Variants in GRHL2 observed in about 807,000 individuals in gnomAD.
GRHL2 encodes the protein grainyhead-like protein 2 homolog.
GRHL2 carries 21 observed loss-of-function variants against 83.8 expected under a neutral mutation model. The ratio of observed to expected loss-of-function variants is 0.25; its 90% confidence interval spans 0.18 to 0.36. The LOEUF is 0.36. Among genes scored for constraint, GRHL2 ranks in the 10% least tolerant of loss-of-function variants. The pLI, the probability that GRHL2 is intolerant of heterozygous loss-of-function variation, is 1.00. For synonymous variants in GRHL2, 280 were observed against 278.9 expected (o/e 1.00, Z -0.04); for missense variants, 623 against 781.8 (o/e 0.80, Z 2.42).
Position 101,492,789 on chromosome 8 carries a change from A to C in GRHL2, c.20A>C (p.Asn7Thr). The C allele has an allele frequency of 4.3e-6, 7 of 1,614,022 alleles. No individual in the cohort carries two copies. Among genetic ancestry groups the C allele is most frequent in the Non-Finnish European group, 5.9e-6 (7 of 1,179,858 alleles). MSQESD[N>T]NKRLVALVPM... The stretch of plus-strand genomic sequence containing the variant: ...TCAAACATGTCACAAGAGTCGGACA[A>C]GTAAGTGGATCACACGCGCCGGCTG... Residue 7 changes from asparagine to threonine, a missense_variant and splice_region_variant, in exon 1 of 16, where the codon AAT (asparagine) becomes ACT (threonine). Physicochemically the swap from Asn to Thr is moderately conservative, Grantham distance 65. This residue lies in a region of GRHL2 where 39 missense variants were observed against 34.8 expected (regional missense o/e 1.12). Coordinates refer to ENST00000646743, the MANE Select transcript of GRHL2 (RefSeq NM_024915.4).
At chr8:101,675,796 C>A in the GRHL2 span, among the ~76,000 whole-genome samples, 1 of 152,210 alleles carries the variant, frequency 6.6e-6, no homozygotes, top group African/African-American at 2.4e-5. Flanking sequence ...ATCACGCTAC[C>A]TGACTTCAAA....
intron 13 of GRHL2, among the ~76,000 whole-genome samples, chr8:101,648,018 A>G (rs1264039145): frequency 1.3e-5 from 2 of 151,906 alleles, no homozygotes; most frequent in Non-Finnish European, 2.9e-5. Context: ...TGCCTTGTGC[A>G]TTTTCCCTAG....
chr8:101,571,514 A>C (rs1811824487), intron 5 of GRHL2, among the ~76,000 whole-genome samples: 1 of 150,208 alleles, frequency 6.7e-6, no homozygotes, highest in East Asian at 1.9e-4. Flanking sequence ...AAAGAGTGAG[A>C]GAGTGGCAAG....
At chr8:101,630,879 T>TC (rs1414015695) in intron 9 of GRHL2, among the ~76,000 whole-genome samples, 4 of 152,070 alleles carry the variant, frequency 2.6e-5, no homozygotes, top group Admixed American at 6.6e-5. Context: ...AGAGAAAAGA[T>TC]AGGGCATCAT....
Position 101,613,930 on chromosome 8 carries a change from A to C in GRHL2, c.1099-5609A>C, listed in dbSNP as rs1333440096. 1.3e-5 allele frequency among the ~76,000 whole-genome samples: 2 copies of C among 151,050 alleles called. 1 individual carries two copies. The highest frequency in any genetic ancestry group is 4.9e-5 in the African/African-American group (2 of 40,436). ...GAAACATCTTAAAAGTGCAAAATAC[A>C]GTTGCTTAAAGAGGAAAATAAATAC... On this transcript the variant is annotated intron_variant, in intron 8 of 15. Coordinates refer to ENST00000646743, the MANE Select transcript of GRHL2 (RefSeq NM_024915.4).
chr8:101,615,916 A>G lies in GRHL2; in HGVS notation c.1099-3623A>G, dbSNP rs1040005684. Reference sequence around the variant, plus strand: ...AATTCTCTGCCATTAGGGCTTCTCCAGGGACAGCAGACAGCATTTTCTGTC... The same window carrying G: ...AATTCTCTGCCATTAGGGCTTCTCCGGGGACAGCAGACAGCATTTTCTGTC... On this transcript the variant is annotated intron_variant, in intron 8 of 15. Coordinates refer to ENST00000646743, the MANE Select transcript of GRHL2 (RefSeq NM_024915.4). Among the ~76,000 whole-genome samples, 48 of 152,212 alleles carry G rather than the reference A, an allele frequency of 3.2e-4. 1 individual carries two copies. Among genetic ancestry groups the G allele is most frequent in the Non-Finnish European group, 4.6e-4 (31 of 68,028 alleles).
In GRHL2 at chr8:101,645,869, A is replaced by G. The variant is rs547944839; in HGVS notation, c.1612+1644A>G. Among the ~76,000 whole-genome samples the G allele has an allele frequency of 3.3e-5, 5 of 152,316 alleles. No homozygotes were observed. The South Asian group carries it at 1.0e-3, about 32-fold the overall frequency. ...TAGAAACATTTAAAGGTTTACAAAA[A>G]TTTCTTTAAAAAAAATTTTTTTTTG... is the stretch of plus-strand genomic sequence containing the variant. On this transcript the variant is annotated intron_variant, in intron 13 of 15. Coordinates refer to ENST00000646743, the MANE Select transcript of GRHL2 (RefSeq NM_024915.4).
At chr8:101,652,532 GGTGTGTGTGTGTGTGGTGTGTA>G (rs1813682323) in intron 14 of GRHL2, among the ~76,000 whole-genome samples, 1 of 79,706 alleles carries the variant, frequency 1.3e-5, no homozygotes, top group African/African-American at 6.9e-5. Flanking sequence ...GTGTGTGTGT[GGTGTGTGTGTGTGTGGTGTGTA>G]TGTGTGGTGG....
chr8:101,511,891 T>C (rs1474215444), intron 1 of GRHL2, among the ~76,000 whole-genome samples: 2 of 152,216 alleles, frequency 1.3e-5, no homozygotes, highest in Non-Finnish European at 2.9e-5. Flanking sequence ...ATAATTGTTT[T>C]TCTAGATGGC....
chr8:101,642,293 G>T (rs1184024089), intron 12 of GRHL2, among the ~76,000 whole-genome samples: 1 of 152,240 alleles, frequency 6.6e-6, no homozygotes, highest in Non-Finnish European at 1.5e-5. Flanking sequence ...GTTTATCCAA[G>T]ATGTTATTTT....
At chr8:101,570,828 G>A (rs549875324) in intron 5 of GRHL2, among the ~76,000 whole-genome samples, 5 of 152,298 alleles carry the variant, frequency 3.3e-5, no homozygotes, top group African/African-American at 1.2e-4. Flanking sequence ...CTTCTTTCCT[G>A]TTGGACTTTC....
chr8:101,562,821 T>C (rs1211120404), intron 4 of GRHL2, among the ~76,000 whole-genome samples: 1 of 152,226 alleles, frequency 6.6e-6, no homozygotes, highest in Non-Finnish European at 1.5e-5. Flanking sequence ...ATTGGTTCTC[T>C]ACTTTTCAGC....
downstream of GRHL2, among the ~76,000 whole-genome samples, chr8:101,674,154 A>G (rs1814253275): frequency 2.0e-5 from 3 of 152,192 alleles, no homozygotes; most frequent in South Asian, 4.1e-4. Context: ...AGAATTAGAA[A>G]AGCAAGAGCA....
intron 4 of GRHL2, among the ~76,000 whole-genome samples, chr8:101,564,525 A>G (rs773452043): frequency 7.2e-5 from 11 of 152,096 alleles, no homozygotes; most frequent in Non-Finnish European, 1.6e-4. Context: ...AGTGCTTTAG[A>G]CTGGGAGTGG....
rs186673842 is a variant in GRHL2, at chr8:101,539,128, A to T, written c.21-4113A>T. Among the ~76,000 whole-genome samples the T allele has an allele frequency of 1.8e-4, 28 of 152,206 alleles. 1 individual carries two copies. Among genetic ancestry groups the T allele is most frequent in the African/African-American group, 5.8e-4 (24 of 41,450 alleles). On this transcript the variant is annotated intron_variant, in intron 1 of 15. Coordinates refer to ENST00000646743, the MANE Select transcript of GRHL2 (RefSeq NM_024915.4). ...AAATCCCTCCAGTGAATCAGGACAC[A>T]TCTTAGTGTAAATCGAGACTTGGCT... is the stretch of plus-strand genomic sequence containing the variant.
chr8:101,546,379 G>A (rs565435145), intron 2 of GRHL2, among the ~76,000 whole-genome samples: 1 of 151,540 alleles, frequency 6.6e-6, no homozygotes, highest in Non-Finnish European at 1.5e-5. Context: ...TAGTGAGAAA[G>A]AGAAGCATAT....
At chr8:101,570,631 G>A (rs1811802502) in intron 5 of GRHL2, among the ~76,000 whole-genome samples, 1 of 148,324 alleles carries the variant, frequency 6.7e-6, no homozygotes, top group Non-Finnish European at 1.5e-5. Flanking sequence ...ACATTCTTTT[G>A]TAGGTGTTCC....
intron 14 of GRHL2, among the ~76,000 whole-genome samples, chr8:101,656,517 A>G (rs1211937533): frequency 6.6e-6 from 1 of 152,220 alleles, no homozygotes; most frequent in African/African-American, 2.4e-5. Context: ...CTGAAAAGTT[A>G]TCACAAGAAG....
rs548008385 is a variant in GRHL2, at chr8:101,558,771, G to A, written c.637G>A (p.Asp213Asn). ...YLKDDQRSTP[D>N]STYSESFKDA... Reference sequence around the variant, plus strand: ...CAAAGACGACCAGCGCAGCACTCCGGACAGCACATACAGCGAGAGCTTCAA... The same window carrying A: ...CAAAGACGACCAGCGCAGCACTCCGAACAGCACATACAGCGAGAGCTTCAA... The change falls in exon 4 of 16, where the codon GAC becomes AAC. Residue 213 changes from aspartate to asparagine, a missense_variant. Coordinates refer to ENST00000646743, the MANE Select transcript of GRHL2 (RefSeq NM_024915.4). The A allele has an allele frequency of 5.8e-5, 93 of 1,614,144 alleles. 1 individual carries two copies. The highest frequency in any genetic ancestry group is 4.1e-4 in the South Asian group (37 of 91,080).
Sources: gnomAD v4.1 joint callset for allele counts (sites outside exome capture counted in the v4.1 genomes callset) on GRCh38, gnomAD v4.1.1 for gene constraint, gnomAD v4.1.1 regional missense constraint, MANE v1.5 for transcripts, NCBI Gene and HGNC (gene_info 2026-07-23, HGNC 2026-07-21) for gene names.